The following PARD3B variants were observed in gnomAD, a reference collection of about 807,000 sequenced individuals.
PARD3B encodes the protein partitioning defective 3 homolog B.
In PARD3B, 103 loss-of-function variants were observed where a neutral mutation model predicts 130.2. The observed-to-expected ratio is 0.79, with a 90% confidence interval of 0.67 to 0.93. The LOEUF (loss-of-function observed/expected upper bound fraction) is 0.93. Ranked by LOEUF, PARD3B falls within the 40% of genes least tolerant of loss-of-function variation. The pLI is 0.00. For synonymous variants in PARD3B, 583 were observed against 553.2 expected, an observed-to-expected ratio of 1.05 and a Z score of -0.76; for missense variants, 1,609 against 1,499.2, an observed-to-expected ratio of 1.07 and a Z score of -1.21.
intron 1 of PARD3B, among the ~76,000 whole-genome samples, chr2:204,603,706 G>A (rs1019485864): frequency 6.6e-6 from 1 of 152,024 alleles, no homozygotes; most frequent in Non-Finnish European, 1.5e-5. Context: ...ATTGTATTTG[G>A]CAAAGGGGAC....
At chr2:204,740,500 G>A (rs2039964990) in intron 2 of PARD3B, among the ~76,000 whole-genome samples, 1 of 152,192 alleles carries the variant, frequency 6.6e-6, no homozygotes, top group Admixed American at 6.5e-5. Context: ...CTGCAGTTTA[G>A]GAATTTAGGC....
intron 2 of PARD3B, among the ~76,000 whole-genome samples, chr2:204,898,568 G>C (rs1559238995): frequency 6.6e-6 from 1 of 152,102 alleles, no homozygotes; most frequent in Non-Finnish European, 1.5e-5. Flanking sequence ...AATGATCCAT[G>C]TGCTGAGGAA....
At chr2:204,931,366 C>T (rs942951356) in intron 2 of PARD3B, among the ~76,000 whole-genome samples, 2 of 152,012 alleles carry the variant, frequency 1.3e-5, no homozygotes, top group Non-Finnish European at 2.9e-5. Flanking sequence ...TAGTGCCTGG[C>T]ATATGAAAAG....
intron 2 of PARD3B, among the ~76,000 whole-genome samples, chr2:204,875,423 G>C (rs2045799741): frequency 6.6e-6 from 1 of 152,130 alleles, no homozygotes; most frequent in African/African-American, 2.4e-5. Context: ...TCTTTAGAGG[G>C]AGTCAATTAG....
rs75871388 is a variant in PARD3B at position 205,136,911 on chromosome 2, A to G, written c.1434+11174A>G. On this transcript the variant is annotated intron_variant, in intron 10 of 22. Transcript: ENST00000406610. ...TTCAGCAAGTATTTACTGAACACCT[A>G]CTATTCCCAGTTTAGCTGATCAAAT... Among the ~76,000 whole-genome samples, 436 of 152,316 alleles carry G rather than the reference A, an allele frequency of 2.9e-3. 6 individuals are homozygous for G. The East Asian group carries it at 0.032, about 11-fold the overall frequency.
At chr2:204,665,024 AGG>A (rs2035963933) in intron 1 of PARD3B, among the ~76,000 whole-genome samples, 1 of 152,004 alleles carries the variant, frequency 6.6e-6, no homozygotes, top group Non-Finnish European at 1.5e-5. Flanking sequence ...GTACTGATTT[AGG>A]AATGTTAAGA....
intron 18 of PARD3B, among the ~76,000 whole-genome samples, chr2:205,380,137 A>G (rs1231877402): frequency 3.8e-4 from 49 of 127,446 alleles, no homozygotes; most frequent in African/African-American, 1.3e-3. Context: ...TATATATTAT[A>G]TAAAGAATAT....
In PARD3B at chr2:205,230,349, A is replaced by G. The variant is rs1169393589; in HGVS notation, c.2141-15429A>G. Among the ~76,000 whole-genome samples, 1 of 152,226 alleles carries G rather than the reference A, an allele frequency of 6.6e-6. No homozygotes were observed. Among genetic ancestry groups the G allele is most frequent in the Non-Finnish European group, 1.5e-5 (1 of 68,010 alleles). ...CCACATTTTCTTTAGTCAGCAAGTG[A>G]TGAATCCTACCAGGTCTGGGTTCTC... On this transcript the variant is annotated intron_variant, in intron 15 of 22. Transcript: ENST00000406610. The surrounding 1 kb of genome is among the most constrained non-coding windows in gnomAD (Gnocchi z 4.1).
intron 2 of PARD3B, among the ~76,000 whole-genome samples, chr2:204,790,354 T>TAAA (rs2042158792): frequency 6.6e-6 from 1 of 151,980 alleles, no homozygotes; most frequent in Admixed American, 6.6e-5. Flanking sequence ...TGAAGAGGGG[T>TAAA]TTTTTATAGT....
chr2:205,185,980 T>C, intron 14 of PARD3B, 117 bp downstream of exon 14: 5 of 843,444 alleles, frequency 5.9e-6, no homozygotes, highest in Non-Finnish European at 7.8e-6. Flanking sequence ...GGAAATCTTA[T>C]AGTATCTATA....
At chr2:205,574,970 C>T (rs2053697301) in intron 22 of PARD3B, among the ~76,000 whole-genome samples, 1 of 151,610 alleles carries the variant, frequency 6.6e-6, no homozygotes, top group Admixed American at 6.6e-5. Context: ...TTCATCGTAT[C>T]CTTTGTCAGG....
At chr2:204,951,722 C>T (rs1689789824) in intron 2 of PARD3B, among the ~76,000 whole-genome samples, 1 of 152,114 alleles carries the variant, frequency 6.6e-6, no homozygotes, top group South Asian at 2.1e-4. Flanking sequence ...GATGATAGAA[C>T]AGAACCAAAA....
chr2:205,277,930 C>T (rs1559614526), intron 16 of PARD3B, among the ~76,000 whole-genome samples: 1 of 151,990 alleles, frequency 6.6e-6, no homozygotes, highest in East Asian at 1.9e-4. Context: ...GAGAGTTAAG[C>T]CTTGGAGAAA....
chr2:204,784,050 C>T (rs1229145912), intron 2 of PARD3B, among the ~76,000 whole-genome samples: 1 of 151,954 alleles, frequency 6.6e-6, no homozygotes, highest in African/African-American at 2.4e-5. Context: ...ATAGAATCAA[C>T]GACCTAGTTG....
intron 1 of PARD3B, among the ~76,000 whole-genome samples, chr2:204,620,768 G>T (rs114394416): frequency 0.016 from 2,434 of 152,272 alleles, 33 homozygotes; most frequent in Middle Eastern, 0.071. Context: ...TGGGAAGTAT[G>T]TACTTTCAGC....
chr2:205,335,431 T>C (rs1012118234), intron 18 of PARD3B, among the ~76,000 whole-genome samples: 29 of 152,178 alleles, frequency 1.9e-4, no homozygotes, highest in Non-Finnish European at 8.8e-5. Context: ...TGTGTGTGTC[T>C]AAGTCCTACA....
chr2:204,610,716 T>C lies in PARD3B; in HGVS notation c.120+64597T>C, dbSNP rs1475096494. 6.6e-6 allele frequency among the ~76,000 whole-genome samples: 1 copy of C among 152,086 alleles called. No individual in the cohort carries two copies. Among genetic ancestry groups the C allele is most frequent in the African/African-American group, 2.4e-5 (1 of 41,390 alleles). On this transcript the variant is annotated intron_variant, in intron 1 of 22. Transcript: ENST00000406610. The surrounding 1 kb of genome is among the most constrained non-coding windows in gnomAD (Gnocchi z 4.1). The stretch of plus-strand genomic sequence containing the variant: ...AGTCTACTTCAGGACAGGTGCCTCT[T>C]CTCTCTCTAGATAGAAGGAGAAACA...
At chr2:205,342,648 G>T (rs192750787) in intron 18 of PARD3B, among the ~76,000 whole-genome samples, 1 of 152,246 alleles carries the variant, frequency 6.6e-6, no homozygotes, top group East Asian at 1.9e-4. Context: ...TTCATTGTCA[G>T]TGTTTTATGT....
At chr2:205,210,633 G>T (rs2037578113) in intron 15 of PARD3B, among the ~76,000 whole-genome samples, 1 of 152,054 alleles carries the variant, frequency 6.6e-6, no homozygotes, top group Admixed American at 6.6e-5. Context: ...TTAAAGATAT[G>T]AGGCTTTTGA....
Sources: allele counts gnomAD v4.1 joint callset (sites outside exome capture counted in the v4.1 genomes callset), GRCh38; gene constraint gnomAD v4.1.1; non-coding constraint Gnocchi (gnomAD v3.1); transcripts MANE v1.5; gene names NCBI Gene and HGNC (gene_info 2026-07-23, HGNC 2026-07-21).